The following BCKDHB variants were observed in gnomAD, a reference collection of about 807,000 sequenced individuals.
The protein encoded by BCKDHB is 2-oxoisovalerate dehydrogenase subunit beta, mitochondrial.
In BCKDHB, 41 loss-of-function variants were observed where a neutral mutation model predicts 48.5. That is an observed-to-expected ratio of 0.85 (90% CI 0.66 to 1.10). The LOEUF (loss-of-function observed/expected upper bound fraction) is 1.10, where lower values mean the gene tolerates loss of function less well. Ranked by LOEUF, BCKDHB falls within the 50% of genes least tolerant of loss-of-function variation. BCKDHB has a pLI of 0.00. For missense variants in BCKDHB, 496 were observed against 494.2 expected (o/e 1.00, Z -0.03); for synonymous variants, 201 against 174.8 (o/e 1.15, Z -1.18).
At chr6:80,373,986 T>A in the BCKDHB span, 1 of 588,366 alleles carries the variant, frequency 1.7e-6, no homozygotes, top group Admixed American at 2.0e-5. Flanking sequence ...TTCTTTTTCC[T>A]TTTAATTGCA....
intron 9 of BCKDHB, chr6:80,307,381 T>A: frequency 2.1e-6 from 2 of 960,806 alleles, no homozygotes; most frequent in Non-Finnish European, 2.5e-6. Flanking sequence ...TATTCTTTTT[T>A]CCATATTCTA....
At chr6:80,430,852 C>G in the BCKDHB span, among the ~76,000 whole-genome samples, 1 of 151,986 alleles carries the variant, frequency 6.6e-6, no homozygotes, top group Non-Finnish European at 1.5e-5. Context: ...TATTTCTTGT[C>G]TTCTGCTAGC....
intron 3 of BCKDHB, among the ~76,000 whole-genome samples, chr6:80,130,356 T>C (rs1373177353): frequency 1.3e-5 from 2 of 151,640 alleles, no homozygotes; most frequent in Non-Finnish European, 2.9e-5. Flanking sequence ...GTCTTTAAAA[T>C]TTTTTTTTAA....
the BCKDHB span, chr6:80,356,168 G>C: frequency 6.6e-6 from 1 of 152,118 alleles, no homozygotes; most frequent in Non-Finnish European, 1.5e-5. Context: ...CTTCTTGAAG[G>C]GGCTGCTTTG....
intron 1 of BCKDHB, among the ~76,000 whole-genome samples, chr6:80,120,708 T>G (rs1020862369): frequency 4.6e-5 from 7 of 152,152 alleles, no homozygotes; most frequent in African/African-American, 1.4e-4. Context: ...TTGATGGGTT[T>G]GTTTGTCTTT....
chr6:80,119,400 C>A (rs1769883441), intron 1 of BCKDHB, among the ~76,000 whole-genome samples: 1 of 152,088 alleles, frequency 6.6e-6, no homozygotes, highest in African/African-American at 2.4e-5. Flanking sequence ...CTGGCTGCAA[C>A]CTCTACCTCC....
the BCKDHB span, among the ~76,000 whole-genome samples, chr6:80,415,428 T>C: frequency 6.6e-6 from 1 of 152,160 alleles, no homozygotes; most frequent in Admixed American, 6.5e-5. Flanking sequence ...ATGGTCCTTA[T>C]TATTTTGAGA....
chr6:80,428,307 T>G, the BCKDHB span, among the ~76,000 whole-genome samples: 1 of 152,218 alleles, frequency 6.6e-6, no homozygotes, highest in African/African-American at 2.4e-5. Flanking sequence ...AGTCTTGCTA[T>G]TCTGAATAGT....
chr6:80,413,948 C>T, the BCKDHB span, among the ~76,000 whole-genome samples: 14 of 152,150 alleles, frequency 9.2e-5, no homozygotes, highest in African/African-American at 2.9e-4. Flanking sequence ...TTCTCTGCAA[C>T]CTTGTCAGCA....
In BCKDHB at chr6:80,203,106, A is replaced by G. The variant is rs398124597; in HGVS notation, c.845A>G (p.His282Arg). 13 of 1,609,654 alleles carry G rather than the reference A, an allele frequency of 8.1e-6. No individual in the cohort carries two copies. The highest frequency in any genetic ancestry group is 1.3e-5 in the African/African-American group (1 of 74,858). Residue 282 changes from histidine (H) to arginine (R), a missense_variant, in exon 8 of 10, where the codon CAT becomes CGT. His to Arg is a conservative substitution (Grantham distance 29). Coordinates refer to ENST00000320393, the MANE Select transcript of BCKDHB (RefSeq NM_183050.4). ...VTLVAWGTQV[H>R]VIREVASMAK... ...ATATTTTTCTCTTTATTTCAGGTTC[A>G]TGTGATCCGAGAGGTAGCTTCCATG...
At chr6:80,351,148 A>C (rs1302453029), downstream of BCKDHB, among the ~76,000 whole-genome samples, 1 of 152,196 alleles carries the variant, frequency 6.6e-6, no homozygotes, top group East Asian at 1.9e-4. Flanking sequence ...TCATTTCTTA[A>C]AGAATTCCAG....
At chr6:80,452,177 G>A in the BCKDHB span, among the ~76,000 whole-genome samples, 2 of 152,124 alleles carry the variant, frequency 1.3e-5, no homozygotes, top group African/African-American at 4.8e-5. Flanking sequence ...TTGTATACAT[G>A]GTTTACATCA....
At chr6:80,118,244 A>G (rs1178869290) in intron 1 of BCKDHB, among the ~76,000 whole-genome samples, 1 of 152,248 alleles carries the variant, frequency 6.6e-6, no homozygotes, top group Non-Finnish European at 1.5e-5. Context: ...AGTGAATATT[A>G]CAATAAAGTG....
At chr6:80,123,333 G>T (rs975332030) in intron 1 of BCKDHB, among the ~76,000 whole-genome samples, 2 of 152,182 alleles carry the variant, frequency 1.3e-5, no homozygotes, top group African/African-American at 4.8e-5. Flanking sequence ...AGTAAAACAG[G>T]TGTAAGAAAT....
chr6:80,198,215 C>T (rs1774222068), intron 6 of BCKDHB, among the ~76,000 whole-genome samples: 1 of 152,090 alleles, frequency 6.6e-6, no homozygotes. Context: ...TGGTTGTGAG[C>T]CAACGAAATG....
intron 6 of BCKDHB, among the ~76,000 whole-genome samples, chr6:80,189,229 A>T (rs1316857785): frequency 6.6e-6 from 1 of 152,190 alleles, no homozygotes; most frequent in African/African-American, 2.4e-5. Flanking sequence ...CCAACATTTT[A>T]TATATACCTT....
In BCKDHB at chr6:80,344,216, G is replaced by T; in HGVS notation, c.*412G>T. ...GGTGGGGTGTCACTATGTTGGCTCA[G>T]CTGATTTCAAATTCCTGACCTCAAG... On this transcript the variant is annotated 3_prime_UTR_variant, in exon 10 of 10. Transcript: ENST00000320393. The T allele has an allele frequency of 3.7e-6, 1 of 268,648 alleles. No individual in the cohort carries two copies. Among genetic ancestry groups the T allele is most frequent in the Non-Finnish European group, 7.3e-6 (1 of 137,618 alleles). The allele number at this position is 268,648 out of a possible 1,614,324, so 16.6% of individuals were successfully genotyped here.
intron 8 of BCKDHB, among the ~76,000 whole-genome samples, chr6:80,208,158 A>G (rs1774755859): frequency 6.6e-6 from 1 of 151,868 alleles, no homozygotes; most frequent in South Asian, 2.1e-4. Context: ...GAATTCAGTT[A>G]GAAATCAAGT....
intron 6 of BCKDHB, among the ~76,000 whole-genome samples, chr6:80,197,387 A>G (rs747594888): frequency 6.7e-6 from 1 of 149,328 alleles, no homozygotes; most frequent in East Asian, 1.9e-4. Context: ...TTTTTTTCTT[A>G]TTGTAAGTAT....
Sources: gnomAD v4.1 joint callset for allele counts (sites outside exome capture counted in the v4.1 genomes callset) on GRCh38, gnomAD v4.1.1 for gene constraint, MANE v1.5 for transcripts, NCBI Gene and HGNC (gene_info 2026-07-23, HGNC 2026-07-21) for gene names.